Variants in SPOCK3 observed in about 807,000 individuals in gnomAD.
SPOCK3 encodes testican-3.
SPOCK3 carries 30 observed loss-of-function variants against 56.6 expected under a neutral mutation model. The ratio of observed to expected loss-of-function variants is 0.53; its 90% CI spans 0.40 to 0.72. SPOCK3 has a LOEUF of 0.72. Among genes scored for constraint, SPOCK3 ranks in the 30% least tolerant of loss-of-function variants. SPOCK3 has a pLI of 0.00. For missense variants in SPOCK3, 527 were observed against 530.0 expected, an observed-to-expected ratio of 0.99 and a Z score of 0.06; for synonymous variants, 196 against 183.3, an observed-to-expected ratio of 1.07 and a Z score of -0.56.
chr4:166,898,632 T>G (rs1011286447), intron 5 of SPOCK3, among the ~76,000 whole-genome samples: 2 of 152,132 alleles, frequency 1.3e-5, no homozygotes, highest in Non-Finnish European at 1.5e-5. Flanking sequence ...TGAATTCACA[T>G]TAGGTAGTGA....
chr4:167,028,401 CAACAA>C lies in SPOCK3; in HGVS notation c.236-27943_236-27939del, dbSNP rs370708880. ...ACAACAACAACAACAACAACAACAA[CAACAA>C]AAGAATAATCCTGCATGTGTACTAT... On this transcript the variant is annotated intron_variant, in intron 3 of 10. Transcript: ENST00000357545. 6.7e-4 allele frequency among the ~76,000 whole-genome samples: 92 copies of C among 137,064 alleles called. 3 individuals are homozygous for C. In the East Asian group the frequency reaches 0.016, roughly 24 times the overall value. 89.9% of individuals were successfully genotyped at this position (137,064 alleles called of 152,430 possible).
At position 167,122,956 on chromosome 4, in the gene SPOCK3, T is replaced by C. The variant is rs149613907; in HGVS notation, c.190-60419A>G. Among the ~76,000 whole-genome samples the C allele has an allele frequency of 9.6e-4, 145 of 150,918 alleles. 3 individuals are homozygous for C. The East Asian group carries it at 0.013, about 14-fold the overall frequency. Reference sequence around the variant, plus strand: ...TAGCACTAAACACTATGTTACCAAATAATTAAATAAAAAAAAATACGGAGA... The same window carrying C: ...TAGCACTAAACACTATGTTACCAAACAATTAAATAAAAAAAAATACGGAGA... On this transcript the variant is annotated intron_variant, in intron 2 of 10. Coordinates refer to ENST00000357545, the MANE Select transcript of SPOCK3 (RefSeq NM_001040159.2).
intron 2 of SPOCK3, among the ~76,000 whole-genome samples, chr4:167,114,023 T>C (rs1159259214): frequency 2.6e-5 from 4 of 151,740 alleles, no homozygotes; most frequent in Admixed American, 2.6e-4. Flanking sequence ...CAGCGCAAAG[T>C]GAGAGAAAGA....
chr4:166,993,304 C>G (rs1008299324), intron 4 of SPOCK3, among the ~76,000 whole-genome samples: 1 of 152,128 alleles, frequency 6.6e-6, no homozygotes, highest in Non-Finnish European at 1.5e-5. Flanking sequence ...ATTGACATCC[C>G]TTGAGGCGTC....
Position 166,881,364 on chromosome 4 carries a change from A to G in SPOCK3, c.589+7766T>C, listed in dbSNP as rs918012775. Among the ~76,000 whole-genome samples, 6 of 151,898 alleles carry G rather than the reference A, an allele frequency of 4.0e-5. No homozygotes were observed. The South Asian group carries it at 6.2e-4, about 16-fold the overall frequency. On this transcript the variant is annotated intron_variant, in intron 6 of 10. Transcript: ENST00000357545. ...GTAGTAAATTGATTAATAGTAATTA[A>G]CCAAGTGATTTCAAAGTATAATTAC...
chr4:167,082,817 G>A (rs1417181450), intron 2 of SPOCK3, among the ~76,000 whole-genome samples: 1 of 147,672 alleles, frequency 6.8e-6, no homozygotes, highest in Non-Finnish European at 1.5e-5. Flanking sequence ...CAGAGGGAGG[G>A]AGGGAAGACA....
intron 4 of SPOCK3, among the ~76,000 whole-genome samples, chr4:166,960,868 A>G (rs1467272026): frequency 6.6e-6 from 1 of 152,196 alleles, no homozygotes; most frequent in African/African-American, 2.4e-5. Context: ...GAATAGTTGG[A>G]ATGAAGTGGG....
chr4:166,860,802 C>CATATCTATATATATATATATATATAT (rs1731148393), intron 6 of SPOCK3, among the ~76,000 whole-genome samples: 1 of 101,938 alleles, frequency 9.8e-6, no homozygotes, highest in Non-Finnish European at 2.0e-5. Context: ...CACACAAATT[C>CATATCTATATATATATATATATATAT]ATATATATAT....
intron 3 of SPOCK3, among the ~76,000 whole-genome samples, chr4:167,050,391 A>G (rs952529658): frequency 6.6e-6 from 1 of 152,220 alleles, no homozygotes; most frequent in Non-Finnish European, 1.5e-5. Flanking sequence ...ATAAATTTTA[A>G]TTTAAAATAA....
chr4:167,070,233 C>CT (rs894057535), intron 2 of SPOCK3, among the ~76,000 whole-genome samples: 77 of 152,048 alleles, frequency 5.1e-4, no homozygotes, highest in Middle Eastern at 6.8e-3. Context: ...AAAGATCCTA[C>CT]TTTTTCCCAA....
Position 167,015,331 on chromosome 4 carries a change from T to C in SPOCK3, c.236-14868A>G, listed in dbSNP as rs372060074. Among the ~76,000 whole-genome samples, 48 of 152,284 alleles carry C rather than the reference T, an allele frequency of 3.2e-4. No homozygotes were observed. The East Asian group carries it at 8.9e-3, about 28-fold the overall frequency. ...AAAGAGGCTTTATATATGCCCAGAC[T>C]TTTAAAACTGAGACTATTTTGTAAA... On this transcript the variant is annotated intron_variant, in intron 3 of 10. Coordinates refer to ENST00000357545, the MANE Select transcript of SPOCK3 (RefSeq NM_001040159.2).
chr4:166,762,001 A>C (rs74197863), intron 7 of SPOCK3, among the ~76,000 whole-genome samples: 3 of 150,810 alleles, frequency 2.0e-5, no homozygotes, highest in Admixed American at 1.3e-4. Context: ...TTTAATGCTC[A>C]TATCTGTGAA....
intron 6 of SPOCK3, among the ~76,000 whole-genome samples, chr4:166,853,100 A>G (rs983484405): frequency 2.0e-5 from 3 of 152,180 alleles, no homozygotes; most frequent in African/African-American, 7.2e-5. Context: ...CAAAATTACA[A>G]ATTCTCAAAG....
chr4:166,915,712 C>G (rs1392132322), intron 4 of SPOCK3, among the ~76,000 whole-genome samples: 1 of 152,108 alleles, frequency 6.6e-6, no homozygotes, highest in Non-Finnish European at 1.5e-5. Flanking sequence ...TGCCTGGCAA[C>G]TGTGGCAAGA....
Position 167,095,380 on chromosome 4 carries a change from T to C in SPOCK3, c.190-32843A>G, listed in dbSNP as rs1051556961. Among the ~76,000 whole-genome samples, 5 of 152,146 alleles carry C rather than the reference T, an allele frequency of 3.3e-5. No homozygotes were observed. The East Asian group carries it at 9.7e-4, about 29-fold the overall frequency. The stretch of plus-strand genomic sequence containing the variant: ...TAATGTCATCAAAGATAATTCTAAA[T>C]TCAATAATCTAAATTTACACCTTAG... On this transcript the variant is annotated intron_variant, in intron 2 of 10. Transcript: ENST00000357545.
chr4:166,841,563 G>C (rs1042432210), intron 6 of SPOCK3, among the ~76,000 whole-genome samples: 4 of 151,974 alleles, frequency 2.6e-5, no homozygotes, highest in African/African-American at 4.8e-5. Flanking sequence ...TCTTATTTTT[G>C]TGTCTGTCAC....
intron 6 of SPOCK3, among the ~76,000 whole-genome samples, chr4:166,872,828 A>C (rs867231112): frequency 1.3e-5 from 2 of 152,284 alleles, no homozygotes; most frequent in African/African-American, 4.8e-5. Context: ...GGTGGTTGGC[A>C]AGTTCAAAAT....
intron 2 of SPOCK3, among the ~76,000 whole-genome samples, chr4:167,139,341 AAAAG>A (rs1763350415): frequency 6.6e-6 from 1 of 152,062 alleles, no homozygotes; most frequent in African/African-American, 2.4e-5. Flanking sequence ...CTACACTAGA[AAAAG>A]AAATATACAA....
chr4:166,795,164 CA>C (rs1454439472), intron 6 of SPOCK3, among the ~76,000 whole-genome samples: 1 of 152,068 alleles, frequency 6.6e-6, no homozygotes, highest in Non-Finnish European at 1.5e-5. Flanking sequence ...TTTATAACAC[CA>C]TCAGCTAGTG....
Sources: allele counts gnomAD v4.1 joint callset (sites outside exome capture counted in the v4.1 genomes callset), GRCh38; gene constraint gnomAD v4.1.1; transcripts MANE v1.5; gene names NCBI Gene and HGNC (gene_info 2026-07-23, HGNC 2026-07-21).